The following RSF1 variants were observed in gnomAD, a reference collection of about 807,000 sequenced individuals.
RSF1 encodes the protein remodeling and spacing factor 1.
Under a neutral mutation model 145.2 loss-of-function variants are expected in RSF1, and 13 were observed. The observed-to-expected ratio is 0.09, with a 90% confidence interval of 0.06 to 0.14. The LOEUF is 0.14. Ranked by LOEUF, RSF1 falls within the 10% of genes least tolerant of loss-of-function variation. RSF1 has a pLI of 1.00. For synonymous variants in RSF1, 577 were observed against 592.6 expected (o/e 0.97, Z 0.38); for missense variants, 1,517 against 1,718.2 (o/e 0.88, Z 2.07).
intron 1 of RSF1, among the ~76,000 whole-genome samples, chr11:77,809,538 C>T (rs1948711011): frequency 6.6e-6 from 1 of 152,022 alleles, no homozygotes; most frequent in Admixed American, 6.6e-5. Flanking sequence ...AATGAAAAGG[C>T]CATGAGGCAA....
intron 2 of RSF1, chr11:77,762,338 C>T (rs12419685): frequency 0.13 from 19,531 of 151,940 alleles, 1,444 homozygotes; most frequent in Admixed American, 0.19. Flanking sequence ...ACCTCTCTCT[C>T]TTTCTCTCTC....
At chr11:77,758,796 T>C (rs1434757459) in intron 2 of RSF1, among the ~76,000 whole-genome samples, 2 of 152,320 alleles carry the variant, frequency 1.3e-5, no homozygotes, top group East Asian at 1.9e-4. Context: ...TGTTGTTGAG[T>C]TTTAGGAGCT....
chr11:77,667,309 C>T lies in RSF1; in HGVS notation c.3934G>A (p.Asp1312Asn). 6.2e-7 allele frequency: 1 copy of T among 1,614,168 alleles called. No homozygotes were observed. The highest frequency in any genetic ancestry group is 8.5e-7 in the Non-Finnish European group (1 of 1,180,022). Residue 1312 changes from aspartate to asparagine, a missense_variant, in exon 16 of 16, where the codon GAC becomes AAC. Coordinates refer to ENST00000308488, the MANE Select transcript of RSF1 (RefSeq NM_016578.4). ...TGATTTGCATCTCCATGAGCATTGTCACAACTCTCCTCCTCATCCGTCTCA... is the reference window on the plus strand; with the variant it reads ...TGATTTGCATCTCCATGAGCATTGTTACAACTCTCCTCCTCATCCGTCTCA... ...RIETDEEESC[D>N]NAHGDANQPA...
At chr11:77,668,038 C>T (rs1055444305) in intron 15 of RSF1, among the ~76,000 whole-genome samples, 4 of 151,600 alleles carry the variant, frequency 2.6e-5, no homozygotes, top group African/African-American at 9.7e-5. Flanking sequence ...CACTCTGTCT[C>T]CCAGGCTGGA....
intron 8 of RSF1, among the ~76,000 whole-genome samples, chr11:77,692,451 A>G: frequency 9.7e-6 from 1 of 102,574 alleles, no homozygotes; most frequent in African/African-American, 4.9e-5. Flanking sequence ...TCACCGTTTT[A>G]GCCAGGATGG....
chr11:77,795,288 A>G (rs542880998), intron 1 of RSF1, among the ~76,000 whole-genome samples: 2 of 152,348 alleles, frequency 1.3e-5, no homozygotes, highest in Admixed American at 1.3e-4. Flanking sequence ...CTACAGATTC[A>G]ATGCAATTCC....
chr11:77,679,079 T>C (rs893301964), intron 11 of RSF1, among the ~76,000 whole-genome samples: 1 of 152,172 alleles, frequency 6.6e-6, no homozygotes, highest in Non-Finnish European at 1.5e-5. Context: ...TCAACTCTGC[T>C]ATTGTAGTGC....
chr11:77,666,285 T>A lies in RSF1; in HGVS notation c.*632A>T, dbSNP rs1362456077. The A allele has an allele frequency of 6.6e-6, 1 of 152,464 alleles. No homozygotes were observed. Among genetic ancestry groups the A allele is most frequent in the Non-Finnish European group, 1.5e-5 (1 of 68,032 alleles). 9.4% of individuals were successfully genotyped at this position (152,464 alleles called of 1,614,324 possible). The stretch of plus-strand genomic sequence containing the variant: ...CAAGAAACTCTGCTATAACAAAAAT[T>A]TAGGTTAATTATGATGGTACTTTCA... On this transcript the variant is annotated 3_prime_UTR_variant, in exon 16 of 16. Coordinates refer to ENST00000308488, the MANE Select transcript of RSF1 (RefSeq NM_016578.4).
intron 5 of RSF1, among the ~76,000 whole-genome samples, chr11:77,717,493 T>TGTCCTAGATCGATCTCC (rs1265927120): frequency 6.6e-6 from 1 of 152,250 alleles, no homozygotes; most frequent in Admixed American, 6.5e-5. Flanking sequence ...CTATGATCCC[T>TGTCCTAGATCGATCTCC]GTCCTAGATC....
At chr11:77,751,541 T>C (rs949454984) in intron 2 of RSF1, among the ~76,000 whole-genome samples, 1 of 152,240 alleles carries the variant, frequency 6.6e-6, no homozygotes, top group African/African-American at 2.4e-5. Flanking sequence ...CTGAAGGACC[T>C]GAAGGCCATT....
chr11:77,684,816 C>T (rs1394357292), intron 10 of RSF1, among the ~76,000 whole-genome samples: 2 of 151,912 alleles, frequency 1.3e-5, no homozygotes, highest in Non-Finnish European at 2.9e-5. Context: ...GGTGAAACCC[C>T]GTCTGTACTA....
At chr11:77,796,687 G>A (rs956125155) in intron 1 of RSF1, among the ~76,000 whole-genome samples, 2 of 152,002 alleles carry the variant, frequency 1.3e-5, no homozygotes, top group Admixed American at 6.6e-5. Context: ...AGAAAGAAAG[G>A]GTATTCAGAT....
Position 77,798,581 on chromosome 11 carries a change from TAAAAAAAAAAAAA to T in RSF1, c.187+21934_187+21946del, listed in dbSNP as rs543236647. On this transcript the variant is annotated intron_variant, in intron 1 of 15. Transcript: ENST00000308488. ...GCATGACAGGAACGAGACTCCATCT[TAAAAAAAAAAAAA>T]AAAAAAAAAAAAAAAAAAAAAAAAA... Among the ~76,000 whole-genome samples the T allele has an allele frequency of 5.2e-3, 128 of 24,470 alleles. 1 individual carries two copies. The highest frequency in any genetic ancestry group is 0.015 in the African/African-American group (114 of 7,722). 16.1% of individuals were successfully genotyped at this position (24,470 alleles called of 152,430 possible).
upstream of RSF1, among the ~76,000 whole-genome samples, chr11:77,822,297 C>T (rs981313731): frequency 6.6e-6 from 1 of 150,974 alleles, no homozygotes; most frequent in East Asian, 2.0e-4. Flanking sequence ...GAAAATTAGC[C>T]GGGAATCCTT....
upstream of RSF1, chr11:77,820,858 C>T (rs1948868100): frequency 1.2e-6 from 1 of 825,032 alleles, no homozygotes; most frequent in Middle Eastern, 3.7e-4. Flanking sequence ...GACGGCTCCG[C>T]GATCCCACAA....
intron 11 of RSF1, among the ~76,000 whole-genome samples, chr11:77,683,432 G>A (rs1331756906): frequency 3.9e-5 from 6 of 151,954 alleles, no homozygotes; most frequent in Non-Finnish European, 7.4e-5. Context: ...GGCCGGGCGC[G>A]GTGGCTCATG....
At position 77,661,255 on chromosome 11, in the gene RSF1, A is replaced by C. The variant is rs1333768653; in HGVS notation, c.*5662T>G. The C allele has an allele frequency of 6.6e-6, 1 of 152,152 alleles. No homozygotes were observed. The highest frequency in any genetic ancestry group is 1.5e-5 in the Non-Finnish European group (1 of 68,012). The allele number at this position is 152,152 out of a possible 1,614,324, so 9.4% of individuals were successfully genotyped here. A position where few individuals can be genotyped will look rare whatever the true frequency, so the allele number is the denominator to read the frequency against. On this transcript the variant is annotated 3_prime_UTR_variant, in exon 16 of 16. Transcript: ENST00000308488. ...CACAACCTCATGGCAGGTTTGGGCA[A>C]GCTACAACAGATACCATCTCAAGAA...
intron 9 of RSF1, among the ~76,000 whole-genome samples, chr11:77,688,099 T>C (rs1240939394): frequency 2.0e-5 from 3 of 152,184 alleles, no homozygotes; most frequent in Non-Finnish European, 4.4e-5. Context: ...AAGACCAGCC[T>C]GGCCAACATG....
At chr11:77,718,594 T>C (rs184196515) in intron 5 of RSF1, among the ~76,000 whole-genome samples, 128 of 152,318 alleles carry the variant, frequency 8.4e-4, no homozygotes, top group Middle Eastern at 3.4e-3. Context: ...GAGGTAATTA[T>C]GGTTAAAGAA....
Sources: gnomAD v4.1 joint callset for allele counts (sites outside exome capture counted in the v4.1 genomes callset) on GRCh38, gnomAD v4.1.1 for gene constraint, MANE v1.5 for transcripts, NCBI Gene and HGNC (gene_info 2026-07-23, HGNC 2026-07-21) for gene names.